Variants in MGAT4C observed in about 807,000 individuals in gnomAD.
MGAT4C encodes the protein alpha-1,3-mannosyl-glycoprotein 4-beta-N-acetylglucosaminyltransferase C.
In MGAT4C, 19 loss-of-function variants were observed where a neutral mutation model predicts 40.1. The observed-to-expected ratio is 0.47, with a 90% CI of 0.33 to 0.70. The LOEUF (loss-of-function observed/expected upper bound fraction) is 0.70, where lower values mean the gene tolerates loss of function less well. Among genes scored for constraint, MGAT4C ranks in the 30% least tolerant of loss-of-function variants. The probability of loss-of-function intolerance (pLI) is 0.02; values close to 1 mark genes in which losing one functional copy is unlikely to be tolerated. For synonymous variants in MGAT4C, 181 were observed against 187.1 expected, an observed-to-expected ratio of 0.97 and a Z score of 0.27; for missense variants, 491 against 563.2, an observed-to-expected ratio of 0.87 and a Z score of 1.30.
chr12:86,025,178 C>A (rs190260757), intron 2 of MGAT4C, among the ~76,000 whole-genome samples: 3 of 150,674 alleles, frequency 2.0e-5, no homozygotes, highest in Non-Finnish European at 4.4e-5. Context: ...TTTTTCAATT[C>A]CCCCCATGGT....
chr12:86,611,908 A>C (rs937600143), intron 2 of MGAT4C, among the ~76,000 whole-genome samples: 2 of 152,160 alleles, frequency 1.3e-5, no homozygotes. Context: ...GATACATATA[A>C]ATGTTTTAAT....
chr12:86,759,696 C>G (rs1416187661), intron 1 of MGAT4C, among the ~76,000 whole-genome samples: 4 of 152,000 alleles, frequency 2.6e-5, no homozygotes, highest in Non-Finnish European at 5.9e-5. Context: ...AGAGAAATGT[C>G]TATTCAGGTA....
Position 85,960,502 on chromosome 12 carries a change from T to A in MGAT4C, c.*18787A>T, listed in dbSNP as rs1883056463. The A allele has an allele frequency of 6.6e-6, 1 of 152,050 alleles. No individual in the cohort carries two copies. The highest frequency in any genetic ancestry group is 2.1e-4 in the South Asian group (1 of 4,836). The allele number at this position is 152,050 out of a possible 1,614,324, so 9.4% of individuals were successfully genotyped here. On this transcript the variant is annotated 3_prime_UTR_variant, in exon 5 of 5. Coordinates refer to ENST00000611864, the MANE Select transcript of MGAT4C (RefSeq NM_001351288.2). ...GTAAAACAACAATTAGCATGTGACA[T>A]GCTCTCAGCAAATCAATTAATCCTT...
At position 86,737,018 on chromosome 12, in the gene MGAT4C, A is replaced by T. The variant is rs950620213; in HGVS notation, c.-261-9777T>A. Among the ~76,000 whole-genome samples the T allele has an allele frequency of 6.0e-5, 9 of 150,032 alleles. No individual in the cohort carries two copies. The East Asian group carries it at 7.8e-4, about 13-fold the overall frequency. On this transcript the variant is annotated intron_variant, in intron 1 of 7. Coordinates refer to the MGAT4C transcript ENST00000548651. ...TCAAGCTAACTTGCAATTCTATAAA[A>T]AAAAAAAAAAAACCTGCCAATTTTA...
intron 1 of MGAT4C, among the ~76,000 whole-genome samples, chr12:86,736,140 T>A (rs1377577764): frequency 6.6e-6 from 1 of 151,792 alleles, no homozygotes; most frequent in Non-Finnish European, 1.5e-5. Flanking sequence ...AGACCTAGCT[T>A]CTCCATTCTT....
At chr12:86,669,225 T>C (rs1964191138) in intron 2 of MGAT4C, among the ~76,000 whole-genome samples, 1 of 152,086 alleles carries the variant, frequency 6.6e-6, no homozygotes, top group Non-Finnish European at 1.5e-5. Flanking sequence ...CCTTCTCTGC[T>C]GCATGCCTAG....
intron 2 of MGAT4C, among the ~76,000 whole-genome samples, chr12:86,461,830 T>C (rs1264705122): frequency 6.6e-6 from 1 of 152,190 alleles, no homozygotes; most frequent in Non-Finnish European, 1.5e-5. Flanking sequence ...AAGTCAGTTT[T>C]GTGCTGTGGT....
chr12:86,222,888 G>C (rs1009517298), intron 1 of MGAT4C, among the ~76,000 whole-genome samples: 5 of 152,172 alleles, frequency 3.3e-5, no homozygotes, highest in African/African-American at 1.2e-4. Context: ...TTCCGGATGT[G>C]AGGTAATGGC....
chr12:86,581,679 C>T (rs2136434386), intron 2 of MGAT4C, among the ~76,000 whole-genome samples: 1 of 151,284 alleles, frequency 6.6e-6, no homozygotes, highest in East Asian at 2.0e-4. Context: ...GGTTGCTTCT[C>T]TGGAAGTTTT....
At chr12:86,451,782 C>A (rs1305292638) in intron 2 of MGAT4C, among the ~76,000 whole-genome samples, 1 of 152,108 alleles carries the variant, frequency 6.6e-6, no homozygotes, top group African/African-American at 2.4e-5. Flanking sequence ...AGCCAGTCTT[C>A]TTCTACACCC....
chr12:86,740,545 A>T (rs1322931614), intron 1 of MGAT4C, among the ~76,000 whole-genome samples: 1 of 151,196 alleles, frequency 6.6e-6, no homozygotes, highest in Non-Finnish European at 1.5e-5. Context: ...GCCACTTCTG[A>T]TTTTGTAGTT....
At chr12:86,135,155 T>C (rs1260713609) in intron 1 of MGAT4C, among the ~76,000 whole-genome samples, 4 of 152,098 alleles carry the variant, frequency 2.6e-5, no homozygotes, top group Non-Finnish European at 5.9e-5. Context: ...ATAGAGCATC[T>C]GGATTTGTTG....
At chr12:86,621,772 C>T (rs757449890) in intron 2 of MGAT4C, among the ~76,000 whole-genome samples, 6 of 152,148 alleles carry the variant, frequency 3.9e-5, no homozygotes, top group Non-Finnish European at 5.9e-5. Flanking sequence ...GCCACTGTGC[C>T]CAGCTGCAAC....
At chr12:86,277,798 T>C (rs1328539156) in intron 4 of MGAT4C, among the ~76,000 whole-genome samples, 1 of 152,126 alleles carries the variant, frequency 6.6e-6, no homozygotes, top group Non-Finnish European at 1.5e-5. Context: ...GTTACTATAG[T>C]TATTTAGTAT....
chr12:86,146,832 CCT>C (rs1491276723), intron 1 of MGAT4C, among the ~76,000 whole-genome samples: 9 of 36,794 alleles, frequency 2.4e-4, no homozygotes, highest in African/African-American at 9.2e-4. Flanking sequence ...CTAATTCTCT[CCT>C]TTTTTTTTTT....
chr12:86,349,650 C>T (rs1005875069), intron 3 of MGAT4C, among the ~76,000 whole-genome samples: 1 of 152,110 alleles, frequency 6.6e-6, no homozygotes, highest in Admixed American at 6.6e-5. Flanking sequence ...CACTTGGCCA[C>T]TGAAAATTAC....
intron 2 of MGAT4C, among the ~76,000 whole-genome samples, chr12:86,589,929 T>C (rs540281472): frequency 6.6e-6 from 1 of 152,058 alleles, no homozygotes; most frequent in African/African-American, 2.4e-5. Flanking sequence ...AATATGCTTC[T>C]GCGTTTCATT....
At chr12:86,202,028 T>A in intron 1 of MGAT4C, among the ~76,000 whole-genome samples, 1 of 152,180 alleles carries the variant, frequency 6.6e-6, no homozygotes, top group African/African-American at 2.4e-5. Context: ...TTATTACATT[T>A]ATAAAATATA....
intron 3 of MGAT4C, among the ~76,000 whole-genome samples, chr12:86,336,609 A>G (rs1263239875): frequency 6.6e-6 from 1 of 152,218 alleles, no homozygotes; most frequent in Non-Finnish European, 1.5e-5. Flanking sequence ...AAAGTATAAT[A>G]GAGGAAATAT....
Sources: allele counts gnomAD v4.1 joint callset (sites outside exome capture counted in the v4.1 genomes callset), GRCh38; gene constraint gnomAD v4.1.1; transcripts MANE v1.5; gene names NCBI Gene and HGNC (gene_info 2026-07-23, HGNC 2026-07-21).